Variants in MYH10 observed in about 807,000 individuals in gnomAD.
MYH10 encodes myosin heavy chain 10.
In MYH10, 55 loss-of-function variants were observed where a neutral mutation model predicts 257.8. The observed-to-expected ratio is 0.21, with a 90% CI of 0.17 to 0.27. The LOEUF is 0.27. MYH10 is among the 10% of genes least tolerant of loss of function. The pLI is 1.00. For missense variants in MYH10, 1,631 were observed against 2,500.6 expected (o/e 0.65, Z 7.42); for synonymous variants, 854 against 921.7 (o/e 0.93, Z 1.33).
In MYH10 at chr17:8,552,158, G is replaced by A; in HGVS notation, c.821-14C>T. The A allele has an allele frequency of 1.4e-6, 2 of 1,408,490 alleles. No individual in the cohort carries two copies. Among genetic ancestry groups the A allele is most frequent in the Non-Finnish European group, 1.9e-6 (2 of 1,038,502 alleles). The allele number at this position is 1,408,490 out of a possible 1,614,324, so 87.2% of individuals were successfully genotyped here. A position where few individuals can be genotyped will look rare whatever the true frequency, so the allele number is the denominator to read the frequency against. On this transcript the variant is annotated splice_polypyrimidine_tract_variant and intron_variant, in intron 8 of 42. Transcript: ENST00000360416. This position sits in a 1 kb window ranked among gnomAD's most constrained non-coding sequence, Gnocchi z 4.8. ...TTTCCAGAAGGTCTGAGCAAAGACAGTTAAGAATTAAATTATTTAATATAA... is the reference window on the plus strand; with the variant it reads ...TTTCCAGAAGGTCTGAGCAAAGACAATTAAGAATTAAATTATTTAATATAA...
At chr17:8,555,305 T>C (rs193228139) in intron 7 of MYH10, among the ~76,000 whole-genome samples, 9 of 152,252 alleles carry the variant, frequency 5.9e-5, no homozygotes, top group Admixed American at 2.6e-4. Context: ...CTCAAGTTTA[T>C]TGGGAAATCG....
At chr17:8,575,532 A>T (rs1424329255) in intron 6 of MYH10, among the ~76,000 whole-genome samples, 1 of 152,148 alleles carries the variant, frequency 6.6e-6, no homozygotes, top group Non-Finnish European at 1.5e-5. Context: ...GAGCAAAAGG[A>T]CATCATAGGC....
intron 17 of MYH10, among the ~76,000 whole-genome samples, chr17:8,527,210 G>A (rs948992973): frequency 6.6e-6 from 1 of 152,164 alleles, no homozygotes; most frequent in Non-Finnish European, 1.5e-5. Flanking sequence ...CTAGTTGCTA[G>A]AACCGATCTG....
intron 30 of MYH10, among the ~76,000 whole-genome samples, chr17:8,498,284 C>A (rs1164190495): frequency 1.5e-4 from 23 of 152,008 alleles, no homozygotes; most frequent in Admixed American, 1.3e-4. Context: ...CCACGCCCGG[C>A]CCCATACTAT....
intron 3 of MYH10, 23 bp downstream of exon 3, chr17:8,604,803 A>G: frequency 7.1e-7 from 1 of 1,405,036 alleles, no homozygotes; most frequent in Non-Finnish European, 9.4e-7. Flanking sequence ...CTGAGCATTT[A>G]GTATTCAAAT....
chr17:8,626,137 C>T (rs902079829), intron 1 of MYH10, among the ~76,000 whole-genome samples: 3 of 152,222 alleles, frequency 2.0e-5, no homozygotes, highest in Non-Finnish European at 2.9e-5. Context: ...AAGACATCCT[C>T]TTTGGAGAGG....
chr17:8,582,714 A>C (rs1260910613), intron 4 of MYH10, among the ~76,000 whole-genome samples: 1 of 152,238 alleles, frequency 6.6e-6, no homozygotes, highest in African/African-American at 2.4e-5. Context: ...AAAACATAAA[A>C]AACAACAGCC....
chr17:8,614,769 T>C (rs1037124490), intron 2 of MYH10, among the ~76,000 whole-genome samples: 4 of 152,132 alleles, frequency 2.6e-5, no homozygotes, highest in Non-Finnish European at 4.4e-5. Context: ...AGCACACATA[T>C]AGAGGACCAA....
intron 1 of MYH10, among the ~76,000 whole-genome samples, chr17:8,628,601 T>C (rs1007317689): frequency 4.6e-5 from 7 of 151,880 alleles, no homozygotes; most frequent in African/African-American, 1.7e-4. Context: ...GCTGGACGAG[T>C]CTGCTAATTT....
chr17:8,573,567 A>G (rs1470158633), intron 6 of MYH10, among the ~76,000 whole-genome samples: 2 of 152,188 alleles, frequency 1.3e-5, no homozygotes, highest in Non-Finnish European at 2.9e-5. Flanking sequence ...CTGAAATTGC[A>G]CTATGTTGAG....
chr17:8,509,845 C>A lies in MYH10; in HGVS notation c.3057G>T (p.Leu1019=), dbSNP rs1476277715. The part of the protein sequence containing the change: ...AKIKKMEEEI[L]LLEDQNSKFI... ...ACTTGGAATTTTGGTCCTCGAGAAG[C>A]AGAATCTCCTCTTCCATCTTCTTGA... The change falls in exon 25 of 43, where the codon CTG becomes CTT. Residue 1019 remains leucine, a synonymous_variant. Coordinates refer to ENST00000360416, the MANE Select transcript of MYH10 (RefSeq NM_001256012.3). 6.2e-7 allele frequency: 1 copy of A among 1,609,834 alleles called. No individual in the cohort carries two copies. The highest frequency in any genetic ancestry group is 2.2e-5 in the East Asian group (1 of 44,562).
rs1026317037 is a variant in MYH10, at chr17:8,477,741, C to T, written c.5706+597G>A. ...GAAATCCTCAGATCCATCCACCTTT[C>T]TGGCCAGTGTCTGCAGTGTGAAGTC... On this transcript the variant is annotated intron_variant, in intron 41 of 42. Coordinates refer to ENST00000360416, the MANE Select transcript of MYH10 (RefSeq NM_001256012.3). This position sits in a 1 kb window ranked among gnomAD's most constrained non-coding sequence, Gnocchi z 4.2. 1.3e-5 allele frequency among the ~76,000 whole-genome samples: 2 copies of T among 152,342 alleles called. No homozygotes were observed. The highest frequency in any genetic ancestry group is 2.9e-5 in the Non-Finnish European group (2 of 68,036).
intron 6 of MYH10, chr17:8,573,768 T>C (rs2152011917): frequency 1.3e-6 from 1 of 777,418 alleles, no homozygotes; most frequent in East Asian, 1.3e-4. Context: ...AGTTAAGTAT[T>C]GTCACTTTAA....
At chr17:8,623,924 T>A (rs935118881) in intron 1 of MYH10, among the ~76,000 whole-genome samples, 11 of 152,096 alleles carry the variant, frequency 7.2e-5, no homozygotes, top group Non-Finnish European at 1.5e-4. Flanking sequence ...ATGGTAGCAG[T>A]TCAGGCCTCT....
intron 1 of MYH10, among the ~76,000 whole-genome samples, chr17:8,626,633 AAAG>A (rs2085693323): frequency 6.7e-6 from 1 of 149,944 alleles, no homozygotes; most frequent in South Asian, 2.1e-4. Flanking sequence ...ATTTAAAAAA[AAAG>A]AAGAAAGGAG....
At chr17:8,587,802 C>G (rs1034050398) in intron 4 of MYH10, among the ~76,000 whole-genome samples, 1 of 152,212 alleles carries the variant, frequency 6.6e-6, no homozygotes, top group African/African-American at 2.4e-5. Context: ...TCTCCACCTT[C>G]CCAAACTACC....
At chr17:8,587,385 T>C (rs557845479) in intron 4 of MYH10, among the ~76,000 whole-genome samples, 62 of 152,288 alleles carry the variant, frequency 4.1e-4, no homozygotes, top group African/African-American at 1.5e-3. Context: ...AAAATTCATA[T>C]AACAAAGCCG....
intron 4 of MYH10, among the ~76,000 whole-genome samples, chr17:8,579,333 A>G (rs1367481833): frequency 3.9e-5 from 6 of 152,096 alleles, no homozygotes; most frequent in Non-Finnish European, 7.4e-5. Context: ...ATTTTTCGGT[A>G]GTTTACTGAA....
At chr17:8,488,153 G>A (rs1479228946) in intron 35 of MYH10, among the ~76,000 whole-genome samples, 1 of 152,160 alleles carries the variant, frequency 6.6e-6, no homozygotes, top group South Asian at 2.1e-4. Flanking sequence ...ATGGGAGAGT[G>A]AGGATGAGTA....
Sources: gnomAD v4.1 joint callset for allele counts (sites outside exome capture counted in the v4.1 genomes callset) on GRCh38, gnomAD v4.1.1 for gene constraint, Gnocchi (gnomAD v3.1) non-coding constraint, MANE v1.5 for transcripts, NCBI Gene and HGNC (gene_info 2026-07-23, HGNC 2026-07-21) for gene names.